The following XKRX variants were observed in gnomAD, a reference collection of about 807,000 sequenced individuals.
XKRX encodes the protein XK-related protein 2.
In XKRX, 11 loss-of-function variants were observed where a neutral mutation model predicts 22.4. The ratio of observed to expected loss-of-function variants is 0.49; its 90% CI spans 0.31 to 0.81. The LOEUF is 0.81. Ranked by LOEUF, XKRX falls within the 40% of genes least tolerant of loss-of-function variation. The pLI, the probability that XKRX is intolerant of heterozygous loss-of-function variation, is 0.05. For synonymous variants in XKRX, 114 were observed against 132.2 expected, an observed-to-expected ratio of 0.86 and a Z score of 0.94; for missense variants, 320 against 336.5, an observed-to-expected ratio of 0.95 and a Z score of 0.38.
chrX:100,949,779 C>A, the XKRX span, among the ~76,000 whole-genome samples: 1 of 111,470 alleles, frequency 9.0e-6, no homozygotes, highest in Non-Finnish European at 1.9e-5. Context: ...AAAATAAAAT[C>A]CACAGACTCC....
downstream of XKRX, among the ~76,000 whole-genome samples, chrX:100,912,840 T>A (rs1351060265): frequency 9.0e-6 from 1 of 111,699 alleles, no homozygotes; most frequent in Non-Finnish European, 1.9e-5. Context: ...AAAGGAGACA[T>A]GCATTCGTCC....
At chrX:100,899,775 T>C in the XKRX span, among the ~76,000 whole-genome samples, 1 of 111,366 alleles carries the variant, frequency 9.0e-6, no homozygotes, top group African/African-American at 3.3e-5. Context: ...AAATAATACA[T>C]AGGAGTGAAT....
chrX:100,914,936 A>G lies in XKRX; in HGVS notation c.752T>C (p.Ile251Thr). The G allele has an allele frequency of 8.3e-7, 1 of 1,211,756 alleles. No individual in the cohort carries two copies. The highest frequency in any genetic ancestry group is 1.1e-6 in the Non-Finnish European group (1 of 895,564). ...LCITIWRTLE[I>T]TSRLLILVLF... is the part of the protein sequence containing the mutation. ...CACCAGAATCAGGAGGCGGGAAGTG[A>G]TCTCCAATGTCCGCCAGATGGTGAT... Residue 251 changes from isoleucine (I) to threonine (T), a missense_variant, in exon 3 of 3, where the codon ATC (isoleucine) becomes ACC (threonine). Ile to Thr is a moderately conservative substitution (Grantham distance 89). Coordinates refer to ENST00000372956, the MANE Select transcript of XKRX (RefSeq NM_212559.3).
In XKRX at chrX:100,914,249, T is replaced by C; in HGVS notation, c.*89A>G. 1 of 1,021,071 alleles carries C rather than the reference T, an allele frequency of 9.8e-7. No individual in the cohort carries two copies. The highest frequency in any genetic ancestry group is 1.3e-6 in the Non-Finnish European group (1 of 750,934). 84.1% of individuals were successfully genotyped at this position (1,021,071 alleles called of 1,213,427 possible). ...AAAGTCAAGAAAATGTACTGATGGG[T>C]ATCTCACCCATGAACCTCATCCTTT... On this transcript the variant is annotated 3_prime_UTR_variant, in exon 3 of 3. Coordinates refer to ENST00000372956, the MANE Select transcript of XKRX (RefSeq NM_212559.3).
At chrX:100,901,999 G>GAA in the XKRX span, among the ~76,000 whole-genome samples, 5 of 84,698 alleles carry the variant, frequency 5.9e-5, no homozygotes, top group Middle Eastern at 0.014. Flanking sequence ...AACTCCATCT[G>GAA]AAAAAAAAAA....
At chrX:100,956,616 C>T in the XKRX span, 1 of 522,035 alleles carries the variant, frequency 1.9e-6, no homozygotes, top group Non-Finnish European at 3.5e-6. Context: ...AGTATGAACT[C>T]TTTTTTAAGA....
At chrX:100,933,404 C>T (rs1035278586), upstream of XKRX, among the ~76,000 whole-genome samples, 5 of 106,595 alleles carry the variant, frequency 4.7e-5, no homozygotes, top group Non-Finnish European at 9.6e-5. Context: ...ATCGCTTGAA[C>T]CCAGGAGGTA....
the XKRX span, among the ~76,000 whole-genome samples, chrX:100,893,086 A>G: frequency 1.8e-5 from 2 of 112,363 alleles, no homozygotes; most frequent in African/African-American, 6.5e-5. Context: ...ACAGAAAGAT[A>G]AATACTGCAT....
At chrX:100,955,631 C>G in the XKRX span, among the ~76,000 whole-genome samples, 3 of 111,601 alleles carry the variant, frequency 2.7e-5, no homozygotes, top group Non-Finnish European at 3.8e-5. Context: ...TGAGATCATG[C>G]TACTGCACTC....
chrX:100,904,025 C>G, the XKRX span, among the ~76,000 whole-genome samples: 1 of 111,512 alleles, frequency 9.0e-6, no homozygotes, highest in Non-Finnish European at 1.9e-5. Context: ...CCCAGAATAG[C>G]CAACTTGGTA....
chrX:100,940,382 T>G, the XKRX span, among the ~76,000 whole-genome samples: 15 of 111,760 alleles, frequency 1.3e-4, no homozygotes, highest in Admixed American at 3.8e-4. Flanking sequence ...CAAATTGTGT[T>G]GAAAATTAAA....
chrX:100,923,700 T>C (rs1361857396), intron 1 of XKRX, among the ~76,000 whole-genome samples: 1 of 111,854 alleles, frequency 8.9e-6, no homozygotes, highest in Non-Finnish European at 1.9e-5. Flanking sequence ...AAGTCGATAC[T>C]GTTTTCCTAG....
Position 100,928,433 on chromosome X carries a change from C to T in XKRX, c.-129G>A. 1 of 1,135,585 alleles carries T rather than the reference C, an allele frequency of 8.8e-7. No individual in the cohort carries two copies. Among genetic ancestry groups the T allele is most frequent in the Non-Finnish European group, 1.2e-6 (1 of 862,563 alleles). 93.6% of individuals were successfully genotyped at this position (1,135,585 alleles called of 1,213,427 possible). On this transcript the variant is annotated 5_prime_UTR_variant, in exon 1 of 3. Transcript: ENST00000372956. ...AGCTCTGTCAAGTCCAGTTTGGGAACAGAGATTCACTAGTTAGAGCAAGAA... is the reference window on the plus strand; with the variant it reads ...AGCTCTGTCAAGTCCAGTTTGGGAATAGAGATTCACTAGTTAGAGCAAGAA...
chrX:100,955,966 T>C, the XKRX span, among the ~76,000 whole-genome samples: 5 of 111,581 alleles, frequency 4.5e-5, no homozygotes, highest in African/African-American at 1.6e-4. Context: ...TAAATGCCCA[T>C]CAATAATAGA....
At chrX:100,899,908 A>G in the XKRX span, among the ~76,000 whole-genome samples, 4 of 112,365 alleles carry the variant, frequency 3.6e-5, no homozygotes, top group Admixed American at 3.8e-4. Flanking sequence ...TAATATTAAC[A>G]TGACAATACT....
the XKRX span, among the ~76,000 whole-genome samples, chrX:100,942,972 C>T: frequency 1.8e-5 from 2 of 111,657 alleles, no homozygotes; most frequent in Admixed American, 1.9e-4. Context: ...GCTCCCATAA[C>T]ATGTTCTGAG....
the XKRX span, among the ~76,000 whole-genome samples, chrX:100,901,838 A>G: frequency 9.0e-6 from 1 of 110,867 alleles, no homozygotes; most frequent in African/African-American, 3.3e-5. Context: ...TGTCTCTACC[A>G]AAAATACAAA....
Position 100,921,170 on chromosome X carries a change from T to C in XKRX, c.604+1623A>G, listed in dbSNP as rs781672460. On this transcript the variant is annotated intron_variant, in intron 2 of 2. Coordinates refer to ENST00000372956, the MANE Select transcript of XKRX (RefSeq NM_212559.3). ...GCCTCGGCTTCCCAAAGTGCTGGGA[T>C]TACAGGTATCAGCCACCATGCCCAT... Among the ~76,000 whole-genome samples, 7 of 111,501 alleles carry C rather than the reference T, an allele frequency of 6.3e-5. No homozygotes were observed. In the East Asian group the frequency reaches 1.7e-3, roughly 27 times the overall value.
intron 2 of XKRX, among the ~76,000 whole-genome samples, chrX:100,920,106 C>T (rs2085464604): frequency 9.1e-6 from 1 of 110,303 alleles, no homozygotes; most frequent in Non-Finnish European, 1.9e-5. Flanking sequence ...GGGAACTTAA[C>T]TAAAGCTGTC....
Sources: allele counts gnomAD v4.1 joint callset (sites outside exome capture counted in the v4.1 genomes callset), GRCh38; gene constraint gnomAD v4.1.1; transcripts MANE v1.5; gene names NCBI Gene and HGNC (gene_info 2026-07-23, HGNC 2026-07-21).